The following CLASP1 variants were observed in gnomAD, a reference collection of about 807,000 sequenced individuals.
CLASP1 encodes the protein cytoplasmic linker associated protein 1, also known as CLIP-associating protein 1.
CLASP1 carries 38 observed loss-of-function variants against 192.3 expected under a neutral mutation model. The ratio of observed to expected loss-of-function variants is 0.20; its 90% confidence interval spans 0.15 to 0.26. CLASP1 has a LOEUF of 0.26. Among genes scored for constraint, CLASP1 ranks in the 10% least tolerant of loss-of-function variants. The pLI is 1.00. For missense variants in CLASP1, 1,433 were observed against 1,932.5 expected (o/e 0.74, Z 4.85); for synonymous variants, 691 against 712.8 (o/e 0.97, Z 0.49).
chr2:121,401,898 C>T (rs773686774), intron 26 of CLASP1, 28 bp from the exon 28 acceptor site: 1 of 693,510 alleles, frequency 1.4e-6, no homozygotes, highest in South Asian at 1.4e-5. Context: ...GCAAACGAGG[C>T]CATGCAACAA....
rs544319298 is a variant in CLASP1 at position 121,526,067 on chromosome 2, C to G, written c.471-147G>C. On this transcript the variant is annotated intron_variant, in intron 5 of 39. Transcript: ENST00000263710. ...TCTCTCCATCCCATCCACACTGGCT[C>G]CAAAGTAAATGTGTCCGATGGCCCC... 17 of 640,898 alleles carry G rather than the reference C, an allele frequency of 2.7e-5. No homozygotes were observed. The South Asian group carries it at 3.1e-4, about 12-fold the overall frequency. The allele number at this position is 640,898 out of a possible 1,614,324, so 39.7% of individuals were successfully genotyped here. A position where few individuals can be genotyped will look rare whatever the true frequency, so the allele number is the denominator to read the frequency against.
At chr2:121,560,160 T>C (rs985607239) in intron 2 of CLASP1, among the ~76,000 whole-genome samples, 1 of 152,010 alleles carries the variant, frequency 6.6e-6, no homozygotes, top group African/African-American at 2.4e-5. Context: ...TTAATGATAA[T>C]GAAAAAACTT....
intron 37 of CLASP1, among the ~76,000 whole-genome samples, chr2:121,354,888 CG>C (rs2065114598): frequency 6.6e-6 from 1 of 152,122 alleles, no homozygotes; most frequent in Non-Finnish European, 1.5e-5. Context: ...TGGTGCTCTT[CG>C]GGGTTGCAAC....
At chr2:121,399,067 T>C (rs1369182071) in intron 28 of CLASP1, among the ~76,000 whole-genome samples, 2 of 152,190 alleles carry the variant, frequency 1.3e-5, no homozygotes, top group African/African-American at 4.8e-5. Context: ...AACTTCCATA[T>C]TAACAGGAAA....
intron 14 of CLASP1, among the ~76,000 whole-genome samples, chr2:121,457,018 ACACTCAAGAAT>A (rs1376860522): frequency 1.3e-5 from 2 of 152,198 alleles, no homozygotes; most frequent in Non-Finnish European, 2.9e-5. Flanking sequence ...GACTCTTAAA[ACACTCAAGAAT>A]CACAGGTCTG....
chr2:121,554,050 T>C (rs1435948274), intron 2 of CLASP1, among the ~76,000 whole-genome samples: 1 of 139,380 alleles, frequency 7.2e-6, no homozygotes, highest in Non-Finnish European at 1.6e-5. Context: ...GCCATCTCTT[T>C]AAAAAAAAAA....
At chr2:121,384,134 G>GTATATATATATACACACACACACA (rs1215142638) in intron 32 of CLASP1, among the ~76,000 whole-genome samples, 3 of 96,480 alleles carry the variant, frequency 3.1e-5, no homozygotes, top group Admixed American at 1.1e-4. Context: ...ACATATATAT[G>GTATATATATATACACACACACACA]TATATATATA....
At chr2:121,624,190 G>A (rs2067884827) in intron 1 of CLASP1, among the ~76,000 whole-genome samples, 1 of 151,564 alleles carries the variant, frequency 6.6e-6, no homozygotes, top group Non-Finnish European at 1.5e-5. Flanking sequence ...TGGATTTAGT[G>A]TATTCTTCTT....
chr2:121,418,900 A>G (rs1405390399), intron 22 of CLASP1, among the ~76,000 whole-genome samples, 171 bp from the exon 23 acceptor site: 1 of 152,162 alleles, frequency 6.6e-6, no homozygotes, highest in African/African-American at 2.4e-5. Flanking sequence ...CTGACGTGCC[A>G]ACGGGGGAGG....
intron 39 of CLASP1, among the ~76,000 whole-genome samples, chr2:121,343,750 G>A (rs868072087): frequency 2.0e-5 from 3 of 152,174 alleles, no homozygotes; most frequent in Non-Finnish European, 4.4e-5. Flanking sequence ...TGGTAGTGAT[G>A]GTTATACAAC....
At chr2:121,610,930 G>T (rs2065295864) in intron 1 of CLASP1, among the ~76,000 whole-genome samples, 1 of 147,542 alleles carries the variant, frequency 6.8e-6, no homozygotes, top group South Asian at 2.2e-4. Context: ...GGAGGAGGAG[G>T]AGTTACAGGA....
At chr2:121,406,855 T>A (rs2076981674) in intron 25 of CLASP1, among the ~76,000 whole-genome samples, 1 of 152,166 alleles carries the variant, frequency 6.6e-6, no homozygotes, top group Admixed American at 6.6e-5. Context: ...CCTCTCAAAG[T>A]GCTGGGATTA....
At chr2:121,530,479 G>A (rs2094746998) in intron 2 of CLASP1, 154 bp from the exon 3 acceptor site, 2 of 606,626 alleles carry the variant, frequency 3.3e-6, no homozygotes, top group Non-Finnish European at 6.0e-6. Context: ...TTAGCACGAA[G>A]AAGGATGATC....
At chr2:121,473,669 G>C (rs142356626) in intron 8 of CLASP1, among the ~76,000 whole-genome samples, 3 of 152,154 alleles carry the variant, frequency 2.0e-5, no homozygotes, top group African/African-American at 7.2e-5. Context: ...AAAGCATACG[G>C]AGGCACATCA....
intron 1 of CLASP1, among the ~76,000 whole-genome samples, chr2:121,613,500 A>G (rs1311127079): frequency 6.6e-6 from 1 of 152,218 alleles, no homozygotes; most frequent in African/African-American, 2.4e-5. Flanking sequence ...GATGTAATGA[A>G]AAGAGGCATC....
At chr2:121,386,985 G>C in intron 32 of CLASP1, 137 bp downstream of exon 33, 1 of 718,292 alleles carries the variant, frequency 1.4e-6, no homozygotes, top group Non-Finnish European at 2.4e-6. Flanking sequence ...ATTTGAGTGA[G>C]GACTAGAACC....
At chr2:121,384,823 G>C (rs543240817) in intron 32 of CLASP1, among the ~76,000 whole-genome samples, 3 of 152,324 alleles carry the variant, frequency 2.0e-5, no homozygotes, top group South Asian at 4.1e-4. Context: ...GGAGGTTTCA[G>C]TGAGCAGAGA....
chr2:121,447,471 C>A, exon 19 of CLASP1: 1 of 1,555,284 alleles, frequency 6.4e-7, no homozygotes, highest in African/African-American at 1.4e-5. Context: ...CTGGAGGGAC[C>A]CAGTCGTTGA....
chr2:121,448,363 G>A, intron 17 of CLASP1, 38 bp from the exon 18 acceptor site: 3 of 1,410,522 alleles, frequency 2.1e-6, no homozygotes, highest in African/African-American at 1.4e-5. Context: ...TACATGTACT[G>A]TACCTGAATT....
Sources: allele counts gnomAD v4.1 joint callset (sites outside exome capture counted in the v4.1 genomes callset), GRCh38; gene constraint gnomAD v4.1.1; transcripts MANE v1.5; gene names NCBI Gene and HGNC (gene_info 2026-07-23, HGNC 2026-07-21).